The following GABRG3 variants were observed in gnomAD, a reference collection of about 807,000 sequenced individuals.
GABRG3 encodes the protein gamma-aminobutyric acid receptor subunit gamma-3.
Under a neutral mutation model 48.8 loss-of-function variants are expected in GABRG3, and 25 were observed. That is an observed-to-expected ratio of 0.51 (90% CI 0.37 to 0.72). The LOEUF (loss-of-function observed/expected upper bound fraction) is 0.72, where lower values mean the gene tolerates loss of function less well. Ranked by LOEUF, GABRG3 falls within the 30% of genes least tolerant of loss-of-function variation. The pLI, the probability that GABRG3 is intolerant of heterozygous loss-of-function variation, is 0.00. For synonymous variants in GABRG3, 227 were observed against 217.6 expected, an observed-to-expected ratio of 1.04 and a Z score of -0.38; for missense variants, 394 against 577.9, an observed-to-expected ratio of 0.68 and a Z score of 3.26.
intron 6 of GABRG3, among the ~76,000 whole-genome samples, chr15:27,493,662 T>C (rs1460217402): frequency 6.6e-6 from 1 of 152,226 alleles, no homozygotes; most frequent in Non-Finnish European, 1.5e-5. Flanking sequence ...ATCTGAAAGA[T>C]TGCTCTGAAG....
intron 3 of GABRG3, among the ~76,000 whole-genome samples, chr15:27,267,960 T>A (rs1380067750): frequency 1.3e-5 from 2 of 152,174 alleles, no homozygotes; most frequent in Non-Finnish European, 2.9e-5. Flanking sequence ...TTTAAAAAAA[T>A]TGCTTCTATC....
intron 3 of GABRG3, among the ~76,000 whole-genome samples, chr15:27,297,595 C>G (rs1345314070): frequency 7.1e-6 from 1 of 141,588 alleles, no homozygotes; most frequent in Admixed American, 7.1e-5. Context: ...GGCTATACCA[C>G]ATAACCTAGG....
chr15:27,058,427 T>G (rs1896589524), intron 3 of GABRG3, among the ~76,000 whole-genome samples: 1 of 152,190 alleles, frequency 6.6e-6, no homozygotes, highest in African/African-American at 2.4e-5. Flanking sequence ...TTAGGGCCAC[T>G]CAGCAGAGGT....
intron 2 of GABRG3, among the ~76,000 whole-genome samples, chr15:26,999,379 C>T (rs1240473681): frequency 1.3e-5 from 2 of 152,098 alleles, no homozygotes; most frequent in Non-Finnish European, 2.9e-5. Context: ...AACCAATCCC[C>T]TGCCAATACC....
chr15:27,007,810 A>G lies in GABRG3; in HGVS notation c.203-18944A>G, dbSNP rs566413396. The stretch of plus-strand genomic sequence containing the variant: ...TTTCCTTATAGATTCTGGATATTGG[A>G]CTTTTATTGGATGCATAGTTTGCAA... On this transcript the variant is annotated intron_variant, in intron 2 of 9. Transcript: ENST00000615808. 3.9e-5 allele frequency among the ~76,000 whole-genome samples: 6 copies of G among 151,920 alleles called. No individual in the cohort carries two copies. The South Asian group carries it at 1.0e-3, about 26-fold the overall frequency.
chr15:27,473,727 T>C (rs1889855244), intron 5 of GABRG3, among the ~76,000 whole-genome samples: 1 of 152,224 alleles, frequency 6.6e-6, no homozygotes, highest in Non-Finnish European at 1.5e-5. Context: ...TGATTATGAC[T>C]AGAACTGTGA....
intron 5 of GABRG3, among the ~76,000 whole-genome samples, chr15:27,393,606 T>C (rs927239001): frequency 6.6e-6 from 1 of 152,234 alleles, no homozygotes; most frequent in Non-Finnish European, 1.5e-5. Flanking sequence ...CTGTAAACTC[T>C]CACTTCCACA....
chr15:27,010,329 C>T (rs937249537), intron 2 of GABRG3, among the ~76,000 whole-genome samples: 9 of 152,298 alleles, frequency 5.9e-5, no homozygotes, highest in Admixed American at 2.0e-4. Context: ...CATCAAGGAA[C>T]GCCCAGGCCA....
chr15:27,216,336 A>G (rs1894170870), intron 3 of GABRG3, among the ~76,000 whole-genome samples: 1 of 152,230 alleles, frequency 6.6e-6, no homozygotes, highest in African/African-American at 2.4e-5. Context: ...ACAAGTGGTA[A>G]CCCTTAGAGA....
At chr15:27,086,925 G>A (rs916809127) in intron 3 of GABRG3, among the ~76,000 whole-genome samples, 2 of 152,214 alleles carry the variant, frequency 1.3e-5, no homozygotes, top group African/African-American at 4.8e-5. Context: ...CAGGACAAGG[G>A]CAGGGACAGG....
chr15:27,155,238 G>C (rs1400762590), intron 3 of GABRG3, among the ~76,000 whole-genome samples: 1 of 152,062 alleles, frequency 6.6e-6, no homozygotes, highest in Non-Finnish European at 1.5e-5. Context: ...TTTCACTGGG[G>C]TCTTCTTTAT....
chr15:27,007,647 T>G (rs1270232582), intron 2 of GABRG3, among the ~76,000 whole-genome samples: 2 of 152,196 alleles, frequency 1.3e-5, no homozygotes, highest in Non-Finnish European at 2.9e-5. Flanking sequence ...TGGTTTTGAT[T>G]TGCATTTCTC....
intron 3 of GABRG3, among the ~76,000 whole-genome samples, chr15:27,249,397 T>G (rs866197857): frequency 3.9e-4 from 60 of 152,324 alleles, no homozygotes; most frequent in Middle Eastern, 3.4e-3. Flanking sequence ...CCACCTCACC[T>G]GGGCCTTGCA....
chr15:27,375,699 C>T (rs140916063), intron 5 of GABRG3, among the ~76,000 whole-genome samples: 6 of 152,268 alleles, frequency 3.9e-5, no homozygotes, highest in Non-Finnish European at 8.8e-5. Context: ...TCATGTGAGA[C>T]TTATTCATGA....
At chr15:27,252,774 TAAAG>T (rs1448122940) in intron 3 of GABRG3, among the ~76,000 whole-genome samples, 1 of 152,224 alleles carries the variant, frequency 6.6e-6, no homozygotes, top group African/African-American at 2.4e-5. Context: ...ATCTTATGGA[TAAAG>T]AAACTCAGGA....
chr15:27,215,623 T>C (rs541933558), intron 3 of GABRG3, among the ~76,000 whole-genome samples: 3 of 152,296 alleles, frequency 2.0e-5, no homozygotes, highest in Admixed American at 6.5e-5. Context: ...CTGCACCCGT[T>C]ATTAAACACA....
rs193096317 is a variant in GABRG3, at chr15:27,311,084, A to G, written c.271-15725A>G. The stretch of plus-strand genomic sequence containing the variant: ...TAATAGGATTTTAAAAGCACTATTC[A>G]CATGAGTCTTTCCTGAGCAAGAAGA... On this transcript the variant is annotated intron_variant, in intron 3 of 9. Transcript: ENST00000615808. Among the ~76,000 whole-genome samples, 3 of 152,316 alleles carry G rather than the reference A, an allele frequency of 2.0e-5. No individual in the cohort carries two copies. In the East Asian group the frequency reaches 5.8e-4, roughly 29 times the overall value.
chr15:27,480,323 T>C (rs992090906), intron 5 of GABRG3, among the ~76,000 whole-genome samples: 5 of 152,132 alleles, frequency 3.3e-5, no homozygotes, highest in Non-Finnish European at 5.9e-5. Context: ...CTGGGAGCCA[T>C]TGACAAGCAC....
intron 6 of GABRG3, among the ~76,000 whole-genome samples, chr15:27,496,666 T>C (rs535315638): frequency 1.3e-5 from 2 of 152,208 alleles, no homozygotes; most frequent in Non-Finnish European, 2.9e-5. Flanking sequence ...GTAAAGTATG[T>C]AGACTTCATC....
Sources: gnomAD v4.1 joint callset for allele counts (sites outside exome capture counted in the v4.1 genomes callset) on GRCh38, gnomAD v4.1.1 for gene constraint, MANE v1.5 for transcripts, NCBI Gene and HGNC (gene_info 2026-07-23, HGNC 2026-07-21) for gene names.